CARMIL1: variants seen among roughly 807,000 people sequenced by gnomAD.
The protein encoded by CARMIL1 is capping protein regulator and myosin 1 linker 1.
In CARMIL1, 90 loss-of-function variants were observed where a neutral mutation model predicts 177.1. The ratio of observed to expected loss-of-function variants is 0.51; its 90% CI spans 0.43 to 0.61. CARMIL1 has a LOEUF of 0.61. Among genes scored for constraint, CARMIL1 ranks in the 20% least tolerant of loss-of-function variants. The pLI, the probability that CARMIL1 is intolerant of heterozygous loss-of-function variation, is 0.00. For synonymous variants in CARMIL1, 577 were observed against 606.2 expected, an observed-to-expected ratio of 0.95 and a Z score of 0.71; for missense variants, 1,380 against 1,667.0, an observed-to-expected ratio of 0.83 and a Z score of 3.00.
chr6:25,608,455 T>C (rs753716802), intron 35 of CARMIL1, among the ~76,000 whole-genome samples: 3 of 152,214 alleles, frequency 2.0e-5, no homozygotes, highest in Non-Finnish European at 4.4e-5. Flanking sequence ...ACTGGAGGTC[T>C]TGGATTGTAT....
At chr6:25,369,461 C>G (rs1790194298) in intron 2 of CARMIL1, among the ~76,000 whole-genome samples, 1 of 150,210 alleles carries the variant, frequency 6.7e-6, no homozygotes, top group African/African-American at 2.5e-5. Flanking sequence ...ACTCCCGTTT[C>G]CACATTGCTT....
At chr6:25,544,290 A>G (rs985852840) in intron 26 of CARMIL1, among the ~76,000 whole-genome samples, 5 of 152,204 alleles carry the variant, frequency 3.3e-5, no homozygotes, top group East Asian at 1.9e-4. Flanking sequence ...GGATAGATAA[A>G]AGCAAATTTA....
chr6:25,536,286 T>A (rs2151120840), intron 24 of CARMIL1, among the ~76,000 whole-genome samples: 1 of 152,276 alleles, frequency 6.6e-6, no homozygotes, highest in South Asian at 2.1e-4. Flanking sequence ...ATTAAGATTT[T>A]AAAAAACTTA....
chr6:25,321,804 G>C (rs537462502), intron 2 of CARMIL1, among the ~76,000 whole-genome samples: 1 of 151,646 alleles, frequency 6.6e-6, no homozygotes, highest in Non-Finnish European at 1.5e-5. Context: ...GACTACAGGC[G>C]CCCGCCACCA....
chr6:25,331,372 A>G (rs1785611676), intron 2 of CARMIL1, among the ~76,000 whole-genome samples: 1 of 152,192 alleles, frequency 6.6e-6, no homozygotes, highest in African/African-American at 2.4e-5. Flanking sequence ...GCAGCCCATG[A>G]TAGGCTAAAG....
At chr6:25,603,426 C>G (rs997263041) in intron 33 of CARMIL1, among the ~76,000 whole-genome samples, 1 of 152,228 alleles carries the variant, frequency 6.6e-6, no homozygotes, top group Non-Finnish European at 1.5e-5. Context: ...ATTCCTCAGC[C>G]TTCCTGCCAC....
At chr6:25,486,233 C>T (rs1488315649) in intron 12 of CARMIL1, among the ~76,000 whole-genome samples, 5 of 151,886 alleles carry the variant, frequency 3.3e-5, no homozygotes, top group African/African-American at 1.2e-4. Flanking sequence ...TTATAATTCT[C>T]CACTCTTCGT....
intron 2 of CARMIL1, among the ~76,000 whole-genome samples, chr6:25,337,256 A>G (rs1051879667): frequency 2.0e-5 from 3 of 152,208 alleles, no homozygotes; most frequent in African/African-American, 4.8e-5. Context: ...TCCAAATTCA[A>G]ATGTTGATGG....
At chr6:25,418,398 T>C (rs143937089) in intron 2 of CARMIL1, among the ~76,000 whole-genome samples, 16 of 152,254 alleles carry the variant, frequency 1.1e-4, no homozygotes, top group South Asian at 6.2e-4. Flanking sequence ...ATTTGAACAA[T>C]GTCCCTACAG....
At chr6:25,429,770 GTTATA>G (rs1223787388) in intron 4 of CARMIL1, among the ~76,000 whole-genome samples, 1 of 145,214 alleles carries the variant, frequency 6.9e-6, no homozygotes, top group Non-Finnish European at 1.5e-5. Context: ...AAAATGATTA[GTTATA>G]TTGATTAATT....
intron 22 of CARMIL1, among the ~76,000 whole-genome samples, chr6:25,518,510 G>GAA (rs1161360111): frequency 1.3e-5 from 2 of 152,134 alleles, no homozygotes; most frequent in Non-Finnish European, 2.9e-5. Flanking sequence ...CACTAAATAG[G>GAA]GGTAAGGCAG....
chr6:25,510,305 G>A (rs1371839608), intron 18 of CARMIL1, among the ~76,000 whole-genome samples: 2 of 152,106 alleles, frequency 1.3e-5, no homozygotes, highest in African/African-American at 2.4e-5. Flanking sequence ...TCTTTGTAGA[G>A]AATGAGTTTA....
intron 23 of CARMIL1, among the ~76,000 whole-genome samples, chr6:25,523,466 C>G (rs1483185020): frequency 6.6e-6 from 1 of 151,984 alleles, no homozygotes; most frequent in Non-Finnish European, 1.5e-5. Context: ...ATTAATTTGC[C>G]TAAGGTGACC....
At chr6:25,512,707 T>C (rs1805574191) in intron 20 of CARMIL1, among the ~76,000 whole-genome samples, 1 of 152,206 alleles carries the variant, frequency 6.6e-6, no homozygotes, top group Non-Finnish European at 1.5e-5. Flanking sequence ...TTGAAAAACC[T>C]ACATGCTGGT....
At chr6:25,435,342 C>G in intron 4 of CARMIL1, 141 bp from the exon 5 acceptor site, 2 of 878,170 alleles carry the variant, frequency 2.3e-6, no homozygotes, top group Admixed American at 3.6e-5. Flanking sequence ...GATGTGCTAC[C>G]CTCGAACCTT....
intron 8 of CARMIL1, chr6:25,465,519 C>CAA (rs34888187): frequency 1.6e-4 from 23 of 143,420 alleles, no homozygotes; most frequent in South Asian, 3.0e-4. Context: ...GACCCTGTCT[C>CAA]AAAAAAAAAA....
At chr6:25,300,573 C>T (rs377031858) in intron 2 of CARMIL1, among the ~76,000 whole-genome samples, 1 of 152,036 alleles carries the variant, frequency 6.6e-6, no homozygotes, top group Non-Finnish European at 1.5e-5. Flanking sequence ...CACTTGAACT[C>T]GGGAGGTAGA....
intron 29 of CARMIL1, among the ~76,000 whole-genome samples, chr6:25,569,026 G>A (rs1343397683): frequency 6.6e-6 from 1 of 152,182 alleles, no homozygotes; most frequent in South Asian, 2.1e-4. Flanking sequence ...TACCTTGGCT[G>A]TAAATCGATA....
At chr6:25,297,466 T>A (rs1459835400) in intron 2 of CARMIL1, among the ~76,000 whole-genome samples, 1 of 152,244 alleles carries the variant, frequency 6.6e-6, no homozygotes, top group Non-Finnish European at 1.5e-5. Flanking sequence ...CATTTTACTC[T>A]CTCTGAAGTG....
Sources: gnomAD v4.1 joint callset for allele counts (sites outside exome capture counted in the v4.1 genomes callset) on GRCh38, gnomAD v4.1.1 for gene constraint, MANE v1.5 for transcripts, NCBI Gene and HGNC (gene_info 2026-07-23, HGNC 2026-07-21) for gene names.